NRG3: variants seen among roughly 807,000 people sequenced by gnomAD.
The protein encoded by NRG3 is pro-neuregulin-3, membrane-bound isoform.
A neutral mutation model predicts 66.9 loss-of-function variants in NRG3; 31 were observed. The ratio of observed to expected loss-of-function variants is 0.46; its 90% CI spans 0.35 to 0.63. The LOEUF is 0.63. Among genes scored for constraint, NRG3 ranks in the 20% least tolerant of loss-of-function variants. The probability of loss-of-function intolerance (pLI) is 0.00; values close to 1 mark genes in which losing one functional copy is unlikely to be tolerated. For missense variants in NRG3, 910 were observed against 878.9 expected (o/e 1.04, Z -0.45); for synonymous variants, 393 against 359.4 (o/e 1.09, Z -1.06).
chr10:82,519,029 T>C (rs1287449272), intron 2 of NRG3, among the ~76,000 whole-genome samples: 2 of 152,214 alleles, frequency 1.3e-5, no homozygotes, highest in Non-Finnish European at 2.9e-5. Flanking sequence ...CCTGTGCAGC[T>C]ACAATGTGAT....
At chr10:82,749,857 C>A (rs1341014065) in intron 3 of NRG3, among the ~76,000 whole-genome samples, 1 of 151,308 alleles carries the variant, frequency 6.6e-6, no homozygotes, top group Non-Finnish European at 1.5e-5. Flanking sequence ...GAAACAATAA[C>A]CACAAAACCC....
intron 1 of NRG3, among the ~76,000 whole-genome samples, chr10:82,321,301 T>TGG (rs373044749): frequency 0.055 from 7,606 of 137,718 alleles, 451 homozygotes; most frequent in African/African-American, 0.13. Flanking sequence ...GTGGCAGGGG[T>TGG]GGGGGTGGGG....
chr10:82,329,014 G>GCA (rs2082008013), intron 1 of NRG3, among the ~76,000 whole-genome samples: 1 of 152,162 alleles, frequency 6.6e-6, no homozygotes, highest in Non-Finnish European at 1.5e-5. Flanking sequence ...GCCATTTTCT[G>GCA]CATCCTTTGC....
chr10:82,662,226 G>A (rs1000665636), intron 2 of NRG3, among the ~76,000 whole-genome samples: 1 of 146,796 alleles, frequency 6.8e-6, no homozygotes, highest in African/African-American at 2.5e-5. Flanking sequence ...TGAATACAAA[G>A]CAACTCACGA....
chr10:82,705,356 G>A (rs934087468), intron 2 of NRG3, among the ~76,000 whole-genome samples: 2 of 152,276 alleles, frequency 1.3e-5, no homozygotes, highest in East Asian at 3.9e-4. Flanking sequence ...ACATTTCTTT[G>A]AATATCAAGG....
chr10:82,726,677 C>T (rs1051496682), intron 2 of NRG3, among the ~76,000 whole-genome samples: 1 of 152,104 alleles, frequency 6.6e-6, no homozygotes, highest in African/African-American at 2.4e-5. Context: ...TGGACTAATA[C>T]ATTAAATTTG....
chr10:82,940,498 T>C (rs1306807657), intron 4 of NRG3, among the ~76,000 whole-genome samples: 4 of 152,168 alleles, frequency 2.6e-5, no homozygotes, highest in African/African-American at 7.2e-5. Flanking sequence ...AATATTGGAT[T>C]AGGATCCATT....
chr10:82,159,534 T>C (rs1043959046), intron 1 of NRG3, among the ~76,000 whole-genome samples: 2 of 151,944 alleles, frequency 1.3e-5, no homozygotes, highest in African/African-American at 4.8e-5. Context: ...TAACGCCCTC[T>C]GTTCTCTCAT....
intron 1 of NRG3, among the ~76,000 whole-genome samples, chr10:82,170,026 T>C (rs1460690446): frequency 1.3e-5 from 2 of 151,526 alleles, no homozygotes; most frequent in African/African-American, 4.8e-5. Flanking sequence ...CACTGATCTA[T>C]GGATATGAGA....
intron 2 of NRG3, among the ~76,000 whole-genome samples, chr10:82,689,720 A>T (rs1214353709): frequency 6.6e-6 from 1 of 152,186 alleles, no homozygotes; most frequent in Non-Finnish European, 1.5e-5. Flanking sequence ...TCTCAGTTCT[A>T]GTTACATTTT....
At chr10:82,567,114 C>T (rs1446757890) in intron 2 of NRG3, among the ~76,000 whole-genome samples, 1 of 151,864 alleles carries the variant, frequency 6.6e-6, no homozygotes, top group Non-Finnish European at 1.5e-5. Context: ...CAAAGGAGCC[C>T]CATCAGTTCT....
intron 3 of NRG3, among the ~76,000 whole-genome samples, chr10:82,827,919 T>A (rs1229705997): frequency 6.6e-6 from 1 of 152,200 alleles, no homozygotes; most frequent in Non-Finnish European, 1.5e-5. Flanking sequence ...CTGTTAATAT[T>A]TCCATGTGTT....
chr10:81,945,104 T>A (rs1564679248), intron 1 of NRG3, among the ~76,000 whole-genome samples: 1 of 152,172 alleles, frequency 6.6e-6, no homozygotes, highest in Non-Finnish European at 1.5e-5. Flanking sequence ...GCTCTTTCTC[T>A]TCCTGAATCC....
chr10:82,515,390 A>G (rs1276136767), intron 2 of NRG3, among the ~76,000 whole-genome samples: 1 of 152,226 alleles, frequency 6.6e-6, no homozygotes, highest in Non-Finnish European at 1.5e-5. Context: ...CTCACTATAC[A>G]GACAGATTCT....
intron 2 of NRG3, among the ~76,000 whole-genome samples, chr10:82,685,844 A>T (rs565070722): frequency 5.6e-4 from 85 of 152,254 alleles, no homozygotes; most frequent in African/African-American, 2.0e-3. Flanking sequence ...ATATAACCAT[A>T]TACACTAGCC....
chr10:82,859,559 C>G (rs1333005654), intron 3 of NRG3, among the ~76,000 whole-genome samples: 1 of 152,130 alleles, frequency 6.6e-6, no homozygotes, highest in South Asian at 2.1e-4. Context: ...TCAGCAGCCC[C>G]TTTTTGTCAG....
intron 1 of NRG3, chr10:81,877,570 T>C (rs967388872): frequency 6.6e-6 from 4 of 603,500 alleles, no homozygotes; most frequent in African/African-American, 6.0e-5. Context: ...CCTTGAAACT[T>C]TTTTCTTTTT....
intron 2 of NRG3, among the ~76,000 whole-genome samples, chr10:82,539,665 G>T (rs147459956): frequency 1.3e-5 from 2 of 151,378 alleles, no homozygotes; most frequent in Non-Finnish European, 2.9e-5. Context: ...ATGGAGTCTC[G>T]CTTTGTCCCC....
At chr10:82,652,249 C>T (rs1052613892) in intron 2 of NRG3, among the ~76,000 whole-genome samples, 6 of 152,144 alleles carry the variant, frequency 3.9e-5, no homozygotes, top group African/African-American at 1.2e-4. Context: ...TGCCTTCCAC[C>T]GGTGAGGGCA....
Sources: gnomAD v4.1 joint callset for allele counts (sites outside exome capture counted in the v4.1 genomes callset) on GRCh38, gnomAD v4.1.1 for gene constraint, MANE v1.5 for transcripts, NCBI Gene and HGNC (gene_info 2026-07-23, HGNC 2026-07-21) for gene names.